Variants in RBPJ observed in about 807,000 individuals in gnomAD.
The protein encoded by RBPJ is recombination signal binding protein for immunoglobulin kappa J region, also known as recombining binding protein suppressor of hairless.
RBPJ carries 9 observed loss-of-function variants against 67.8 expected under a neutral mutation model. The ratio of observed to expected loss-of-function variants is 0.13; its 90% CI spans 0.08 to 0.23. The LOEUF (loss-of-function observed/expected upper bound fraction) is 0.23, where lower values mean the gene tolerates loss of function less well. Among genes scored for constraint, RBPJ ranks in the 10% least tolerant of loss-of-function variants. The probability of loss-of-function intolerance (pLI) is 1.00; values close to 1 mark genes in which losing one functional copy is unlikely to be tolerated. For missense variants in RBPJ, 305 were observed against 595.6 expected (o/e 0.51, Z 5.08); for synonymous variants, 198 against 203.3 (o/e 0.97, Z 0.22).
intron 1 of RBPJ, among the ~76,000 whole-genome samples, chr4:26,370,732 G>A (rs2725305): frequency 0.57 from 86,593 of 151,966 alleles, 24,765 homozygotes; most frequent in Admixed American, 0.66. Flanking sequence ...AGTTCTATCA[G>A]TTTTAGCTAC....
At chr4:26,169,034 G>T (rs1176917175) in intron 1 of RBPJ, among the ~76,000 whole-genome samples, 1 of 152,192 alleles carries the variant, frequency 6.6e-6, no homozygotes, top group African/African-American at 2.4e-5. Flanking sequence ...CTGTAGCTCG[G>T]AGTAGTTTGA....
At chr4:26,368,458 T>C (rs1388752597) in intron 1 of RBPJ, among the ~76,000 whole-genome samples, 1 of 152,226 alleles carries the variant, frequency 6.6e-6, no homozygotes, top group South Asian at 2.1e-4. Context: ...ATACTGGTTA[T>C]CCTGTTGGAA....
intron 1 of RBPJ, among the ~76,000 whole-genome samples, chr4:26,364,987 C>G (rs1358624467): frequency 2.6e-5 from 4 of 151,932 alleles, no homozygotes; most frequent in African/African-American, 4.8e-5. Context: ...CATTTCAAAT[C>G]TAATCCTTCC....
rs1274780652 is a variant in RBPJ at position 26,434,010 on chromosome 4, G to A, written c.*3003G>A. 1 of 152,184 alleles carries A rather than the reference G, an allele frequency of 6.6e-6. No homozygotes were observed. Among genetic ancestry groups the A allele is most frequent in the East Asian group, 1.9e-4 (1 of 5,198 alleles). The allele number at this position is 152,184 out of a possible 1,614,324, so 9.4% of individuals were successfully genotyped here. On this transcript the variant is annotated 3_prime_UTR_variant, in exon 11 of 11. Transcript: ENST00000355476. ...TTCTAAACATACACATAGAAGCTGAGTCTCTGATCCAATATGTTTTTATTT... is the reference window on the plus strand; with the variant it reads ...TTCTAAACATACACATAGAAGCTGAATCTCTGATCCAATATGTTTTTATTT...
intron 1 of RBPJ, among the ~76,000 whole-genome samples, chr4:26,176,148 A>G (rs965184964): frequency 6.6e-6 from 1 of 152,256 alleles, no homozygotes; most frequent in Admixed American, 6.5e-5. Context: ...ACAAACAAAT[A>G]AAAAGTTTGT....
intron 1 of RBPJ, among the ~76,000 whole-genome samples, chr4:26,294,451 C>T (rs930202784): frequency 2.6e-5 from 4 of 152,200 alleles, no homozygotes; most frequent in Admixed American, 2.6e-4. Context: ...TAAAAGTACT[C>T]CAGATGTCGT....
chr4:26,175,332 C>T (rs758193342), intron 1 of RBPJ, among the ~76,000 whole-genome samples: 22 of 152,010 alleles, frequency 1.4e-4, no homozygotes, highest in Admixed American at 1.0e-3. Context: ...GAGAGCAGAC[C>T]TGCCACCTGC....
chr4:26,338,092 G>T (rs1369871348), intron 1 of RBPJ, among the ~76,000 whole-genome samples: 1,547 of 97,914 alleles, frequency 0.016, 36 homozygotes, highest in African/African-American at 0.053. Flanking sequence ...GTGTTTTTTT[G>T]TTGTTTTTTT....
chr4:26,207,964 A>G (rs116524920), intron 1 of RBPJ, among the ~76,000 whole-genome samples: 147 of 152,288 alleles, frequency 9.7e-4, no homozygotes, highest in African/African-American at 3.2e-3. Context: ...AGCTTTCCAC[A>G]GACACTGTTT....
chr4:26,393,848 A>G lies in RBPJ; in HGVS notation c.59+7457A>G, dbSNP rs1428368637. Among the ~76,000 whole-genome samples the G allele has an allele frequency of 2.6e-5, 4 of 152,132 alleles. No individual in the cohort carries two copies. In the East Asian group the frequency reaches 7.7e-4, roughly 29 times the overall value. On this transcript the variant is annotated intron_variant, in intron 2 of 10. Coordinates refer to ENST00000355476, the MANE Select transcript of RBPJ (RefSeq NM_015874.6). Reference sequence around the variant, plus strand: ...GGGCAGATTTTATTCCTTAAAAAAAAAAATCTTTGAAACACTATTCTTACT... The same window carrying G: ...GGGCAGATTTTATTCCTTAAAAAAAGAAATCTTTGAAACACTATTCTTACT...
At chr4:26,150,269 C>T in the RBPJ span, among the ~76,000 whole-genome samples, 35 of 152,278 alleles carry the variant, frequency 2.3e-4, no homozygotes, top group Non-Finnish European at 3.4e-4. Flanking sequence ...AGAAAGCCTA[C>T]CTAATCATCA....
chr4:26,306,171 T>C (rs536791076), intron 1 of RBPJ, among the ~76,000 whole-genome samples: 28 of 152,246 alleles, frequency 1.8e-4, no homozygotes, highest in African/African-American at 6.5e-4. Flanking sequence ...CTTCCTTCTT[T>C]CCAATCTGAT....
intron 1 of RBPJ, among the ~76,000 whole-genome samples, chr4:26,184,870 G>A (rs758578942): frequency 7.2e-5 from 11 of 152,218 alleles, no homozygotes; most frequent in South Asian, 2.1e-4. Context: ...GGCCGGGTGC[G>A]GTGGCTCATG....
chr4:26,237,319 A>C (rs907183012), intron 1 of RBPJ, among the ~76,000 whole-genome samples: 1 of 151,876 alleles, frequency 6.6e-6, no homozygotes, highest in African/African-American at 2.4e-5. Context: ...GGGAAACACT[A>C]CTGCAAAAAA....
chr4:26,398,243 C>T (rs1272529488), intron 2 of RBPJ, among the ~76,000 whole-genome samples: 1 of 152,136 alleles, frequency 6.6e-6, no homozygotes, highest in Non-Finnish European at 1.5e-5. Flanking sequence ...GATGACTGGA[C>T]CTCCCATCTT....
In RBPJ at chr4:26,430,199, GAAA is replaced by G; in HGVS notation, c.1044+153_1044+155del. On this transcript the variant is annotated intron_variant, in intron 9 of 10. Transcript: ENST00000355476. This position sits in a 1 kb window ranked among gnomAD's most constrained non-coding sequence, Gnocchi z 4.1. ...TATATACACCATTTGTTGATTTAAA[GAAA>G]AAAAAACAAAATTAGGAGGAGCGTA... is the stretch of plus-strand genomic sequence containing the variant. 1.0e-6 allele frequency: 1 copy of G among 989,012 alleles called. No homozygotes were observed. The highest frequency in any genetic ancestry group is 1.5e-6 in the Non-Finnish European group (1 of 670,672). 61.3% of individuals were successfully genotyped at this position (989,012 alleles called of 1,614,324 possible). A position where few individuals can be genotyped will look rare whatever the true frequency, so the allele number is the denominator to read the frequency against.
At chr4:26,231,292 AG>A (rs1184373425) in intron 1 of RBPJ, among the ~76,000 whole-genome samples, 2 of 152,234 alleles carry the variant, frequency 1.3e-5, no homozygotes, top group East Asian at 1.9e-4. Context: ...TCTGCATTTA[AG>A]GGAGCAGTTT....
At chr4:26,320,390 G>T (rs1722890004), upstream of RBPJ, among the ~76,000 whole-genome samples, 2 of 152,180 alleles carry the variant, frequency 1.3e-5, no homozygotes, top group Middle Eastern at 3.4e-3. Flanking sequence ...TCATTAGCAT[G>T]GGGGGGTGTA....
At chr4:26,160,618 G>A (rs1716060141), upstream of RBPJ, among the ~76,000 whole-genome samples, 1 of 152,192 alleles carries the variant, frequency 6.6e-6, no homozygotes, top group Non-Finnish European at 1.5e-5. Context: ...GGCGTGGTAG[G>A]GGAGATGGTC....
Sources: allele counts gnomAD v4.1 joint callset (sites outside exome capture counted in the v4.1 genomes callset), GRCh38; gene constraint gnomAD v4.1.1; non-coding constraint Gnocchi (gnomAD v3.1); transcripts MANE v1.5; gene names NCBI Gene and HGNC (gene_info 2026-07-23, HGNC 2026-07-21).